Variants in SLC35F3 observed in about 807,000 individuals in gnomAD.
The protein encoded by SLC35F3 is solute carrier family 35 member F3.
Under a neutral mutation model 49.9 loss-of-function variants are expected in SLC35F3, and 25 were observed. The observed-to-expected ratio is 0.50, with a 90% CI of 0.37 to 0.70. The LOEUF (loss-of-function observed/expected upper bound fraction) is 0.70. Ranked by LOEUF, SLC35F3 falls within the 30% of genes least tolerant of loss-of-function variation. SLC35F3 has a pLI of 0.00. For missense variants in SLC35F3, 525 were observed against 639.8 expected (o/e 0.82, Z 1.94); for synonymous variants, 275 against 265.4 (o/e 1.04, Z -0.35).
At chr1:234,194,063 A>C (rs12064299) in intron 2 of SLC35F3, among the ~76,000 whole-genome samples, 12,205 of 152,216 alleles carry the variant, frequency 0.08, 1,353 homozygotes, top group African/African-American at 0.25. Context: ...AGTTAAAGAA[A>C]TAAAAGTAGA....
At chr1:233,964,020 T>C (rs544224045) in intron 2 of SLC35F3, among the ~76,000 whole-genome samples, 1 of 152,324 alleles carries the variant, frequency 6.6e-6, no homozygotes, top group Non-Finnish European at 1.5e-5. Flanking sequence ...AAACTCAAGT[T>C]ACTCTCTATA....
chr1:234,239,041 T>C (rs1284557829), intron 3 of SLC35F3, among the ~76,000 whole-genome samples: 1 of 152,250 alleles, frequency 6.6e-6, no homozygotes, highest in African/African-American at 2.4e-5. Context: ...TTTAAATAAC[T>C]GCCATATGAG....
chr1:233,981,688 T>C (rs1239167435), intron 2 of SLC35F3, among the ~76,000 whole-genome samples: 3 of 151,716 alleles, frequency 2.0e-5, no homozygotes, highest in African/African-American at 7.3e-5. Flanking sequence ...AGCTCAGGAA[T>C]GCAGTTTTTG....
intron 2 of SLC35F3, among the ~76,000 whole-genome samples, chr1:234,052,568 T>C (rs555731645): frequency 3.5e-4 from 53 of 152,222 alleles, no homozygotes; most frequent in Non-Finnish European, 6.8e-4. Flanking sequence ...TTCAATTTTG[T>C]TGATCTTTTC....
At position 234,308,448 on chromosome 1, in the gene SLC35F3, A is replaced by AT. The variant is rs531965678; in HGVS notation, c.609-642dup. Among the ~76,000 whole-genome samples, 242 of 147,708 alleles carry AT rather than the reference A, an allele frequency of 1.6e-3. 3 individuals are homozygous for AT. In the South Asian group the frequency reaches 0.023, roughly 14 times the overall value. On this transcript the variant is annotated intron_variant, in intron 3 of 7. Transcript: ENST00000366618. ...GTAAACTTTCTTAAAACATTATGAG[A>AT]TTTTTTTTTTTGCGATTTCTTTTTG...
At position 234,027,953 on chromosome 1, in the gene SLC35F3, G is replaced by A. The variant is rs906257741; in HGVS notation, c.283+122195G>A. Among the ~76,000 whole-genome samples the A allele has an allele frequency of 6.6e-6, 1 of 152,138 alleles. No individual in the cohort carries two copies. The highest frequency in any genetic ancestry group is 1.5e-5 in the Non-Finnish European group (1 of 68,028). On this transcript the variant is annotated intron_variant, in intron 2 of 7. Coordinates refer to ENST00000366618, the MANE Select transcript of SLC35F3 (RefSeq NM_173508.4). The surrounding 1 kb of genome is among the most constrained non-coding windows in gnomAD (Gnocchi z 4.1). The stretch of plus-strand genomic sequence containing the variant: ...ATTGATCAAAGGGGAAATTCAGGAG[G>A]GGAATCGATCGCACAGGAGTAAAGT...
chr1:234,050,755 G>A (rs538067444), intron 2 of SLC35F3, among the ~76,000 whole-genome samples: 37 of 152,276 alleles, frequency 2.4e-4, no homozygotes, highest in African/African-American at 8.9e-4. Flanking sequence ...TTCTTATAGG[G>A]TTTTTATGGT....
At chr1:234,169,700 T>A (rs1051003185) in intron 2 of SLC35F3, among the ~76,000 whole-genome samples, 4 of 152,178 alleles carry the variant, frequency 2.6e-5, no homozygotes, top group Non-Finnish European at 4.4e-5. Context: ...GTAAGATGAA[T>A]GTACAGCCCC....
intron 3 of SLC35F3, among the ~76,000 whole-genome samples, chr1:234,237,576 G>A (rs1214520904): frequency 6.6e-6 from 1 of 152,150 alleles, no homozygotes; most frequent in Non-Finnish European, 1.5e-5. Flanking sequence ...GAAAGCTGAT[G>A]CATTTCTTAC....
intron 2 of SLC35F3, among the ~76,000 whole-genome samples, chr1:234,020,395 C>T (rs1470736590): frequency 6.6e-6 from 1 of 152,104 alleles, no homozygotes; most frequent in Non-Finnish European, 1.5e-5. Context: ...AAAACATAGA[C>T]AGAGGCAGGC....
chr1:234,077,994 C>T (rs72756196), intron 2 of SLC35F3, among the ~76,000 whole-genome samples: 178 of 152,282 alleles, frequency 1.2e-3, no homozygotes, highest in Non-Finnish European at 1.9e-3. Flanking sequence ...GTCTACAAAC[C>T]TCTGTCATCA....
At chr1:234,048,846 C>T (rs1291900556) in intron 2 of SLC35F3, among the ~76,000 whole-genome samples, 3 of 152,224 alleles carry the variant, frequency 2.0e-5, no homozygotes, top group African/African-American at 7.2e-5. Flanking sequence ...GTGTAACTTG[C>T]CTTGATAGGT....
At chr1:234,018,015 C>T (rs80266445) in intron 2 of SLC35F3, among the ~76,000 whole-genome samples, 5,025 of 151,744 alleles carry the variant, frequency 0.033, 253 homozygotes, top group African/African-American at 0.11. Context: ...AAATGAAAAT[C>T]GTGACACTCA....
At chr1:234,319,278 G>A (rs1443639286) in intron 6 of SLC35F3, among the ~76,000 whole-genome samples, 1 of 152,066 alleles carries the variant, frequency 6.6e-6, no homozygotes, top group African/African-American at 2.4e-5. Flanking sequence ...CCTGATAAGT[G>A]TCAATATTCA....
At position 234,206,466 on chromosome 1, in the gene SLC35F3, G is replaced by T. The variant is rs566153420; in HGVS notation, c.284-24951G>T. Among the ~76,000 whole-genome samples the T allele has an allele frequency of 2.9e-5, 4 of 136,338 alleles. No individual in the cohort carries two copies. In the East Asian group the frequency reaches 7.8e-4, roughly 27 times the overall value. 89.4% of individuals were successfully genotyped at this position (136,338 alleles called of 152,430 possible). ...CAGGACTTTCCTGGTTCCTGGGGGT[G>T]GGGGGGACTATTTCCAAGGGACGCT... On this transcript the variant is annotated intron_variant, in intron 2 of 7. Coordinates refer to ENST00000366618, the MANE Select transcript of SLC35F3 (RefSeq NM_173508.4).
At chr1:234,160,946 A>G (rs1426161367) in intron 2 of SLC35F3, among the ~76,000 whole-genome samples, 1 of 152,198 alleles carries the variant, frequency 6.6e-6, no homozygotes, top group African/African-American at 2.4e-5. Flanking sequence ...TGTCATCCAT[A>G]AAATGCTAAA....
At chr1:233,962,716 A>G (rs1425017642) in intron 2 of SLC35F3, among the ~76,000 whole-genome samples, 1 of 152,248 alleles carries the variant, frequency 6.6e-6, no homozygotes, top group African/African-American at 2.4e-5. Context: ...CGGTACTGAT[A>G]ATAATTCCTA....
chr1:234,252,215 C>A (rs1007068446), intron 3 of SLC35F3, among the ~76,000 whole-genome samples: 3 of 151,862 alleles, frequency 2.0e-5, no homozygotes, highest in Non-Finnish European at 4.4e-5. Context: ...GATTATAGGC[C>A]CACACCACTA....
chr1:234,178,211 T>C (rs536896155), intron 2 of SLC35F3, among the ~76,000 whole-genome samples: 2 of 152,266 alleles, frequency 1.3e-5, no homozygotes, highest in Non-Finnish European at 2.9e-5. Context: ...CCCCACTACA[T>C]ACTTGGGCTA....
Sources: gnomAD v4.1 joint callset for allele counts (sites outside exome capture counted in the v4.1 genomes callset) on GRCh38, gnomAD v4.1.1 for gene constraint, Gnocchi (gnomAD v3.1) non-coding constraint, MANE v1.5 for transcripts, NCBI Gene and HGNC (gene_info 2026-07-23, HGNC 2026-07-21) for gene names.